FOXP2: variants seen among roughly 807,000 people sequenced by gnomAD.
The protein encoded by FOXP2 is forkhead box P2.
In FOXP2, 12 loss-of-function variants were observed where a neutral mutation model predicts 115.8. That is an observed-to-expected ratio of 0.10 (90% CI 0.07 to 0.17). The LOEUF is 0.17. FOXP2 is among the 10% of genes least tolerant of loss of function. FOXP2 has a pLI of 1.00. For missense variants in FOXP2, 629 were observed against 843.5 expected (o/e 0.75, Z 3.15); for synonymous variants, 328 against 297.7 (o/e 1.10, Z -1.05).
intron 3 of FOXP2, among the ~76,000 whole-genome samples, chr7:114,587,028 T>A (rs945479802): frequency 1.3e-5 from 2 of 149,710 alleles, no homozygotes; most frequent in African/African-American, 5.1e-5. Flanking sequence ...TAGGTATTCA[T>A]TATTTATTTA....
intron 1 of FOXP2, among the ~76,000 whole-genome samples, chr7:114,185,364 T>G (rs766667858): frequency 3.3e-5 from 5 of 152,136 alleles, no homozygotes; most frequent in Admixed American, 6.6e-5. Context: ...TGACCAGGTG[T>G]GTGGTAGTGG....
chr7:114,681,983 T>C (rs756920154), intron 16 of FOXP2, among the ~76,000 whole-genome samples: 8 of 152,208 alleles, frequency 5.3e-5, no homozygotes, highest in Non-Finnish European at 8.8e-5. Context: ...CAAAAAAGGT[T>C]ATAAGGTTAT....
intron 1 of FOXP2, among the ~76,000 whole-genome samples, chr7:114,196,582 A>C (rs535679450): frequency 6.6e-6 from 1 of 152,208 alleles, no homozygotes; most frequent in Non-Finnish European, 1.5e-5. Context: ...TGTTCTTAAT[A>C]GACTGTAATT....
chr7:114,514,417 C>G lies in FOXP2; in HGVS notation c.169-20200C>G, dbSNP rs1798227893. Among the ~76,000 whole-genome samples the G allele has an allele frequency of 2.0e-5, 3 of 152,000 alleles. No individual in the cohort carries two copies. In the South Asian group the frequency reaches 6.2e-4, roughly 31 times the overall value. On this transcript the variant is annotated intron_variant, in intron 2 of 16. Transcript: ENST00000350908. The stretch of plus-strand genomic sequence containing the variant: ...CCTTTGACCAACATCTCCCCAATCC[C>G]TTATCCCCCTAGCCTCTGGTAACCA...
intron 2 of FOXP2, among the ~76,000 whole-genome samples, chr7:114,474,121 C>G (rs557368193): frequency 6.6e-6 from 1 of 152,304 alleles, no homozygotes; most frequent in South Asian, 2.1e-4. Flanking sequence ...AGATTGCATA[C>G]TGGCATATGT....
chr7:114,399,883 G>T lies in FOXP2; in HGVS notation c.-10-26619G>T, dbSNP rs550000413. On this transcript the variant is annotated intron_variant, in intron 2 of 17. Transcript: ENST00000634411. ...TTTTTTTTTCCTTTTTTGAGACAGA[G>T]TCTCACTCTGTCACCCAGGCTGGAG... is the stretch of plus-strand genomic sequence containing the variant. 5.1e-4 allele frequency among the ~76,000 whole-genome samples: 74 copies of T among 144,338 alleles called. 2 individuals are homozygous for T. The highest frequency in any genetic ancestry group is 3.6e-3 in the Middle Eastern group (1 of 274). The allele number at this position is 144,338 out of a possible 152,430, so 94.7% of individuals were successfully genotyped here. A position where few individuals can be genotyped will look rare whatever the true frequency, so the allele number is the denominator to read the frequency against.
intron 1 of FOXP2, among the ~76,000 whole-genome samples, chr7:114,187,164 A>G (rs919451987): frequency 1.3e-5 from 2 of 152,170 alleles, no homozygotes; most frequent in African/African-American, 2.4e-5. Context: ...ATGCTTTTCC[A>G]TTCTTTACAT....
rs1791971354 is a variant in FOXP2 at position 114,370,238 on chromosome 7, G to A, written c.-10-56264G>A. 4.6e-5 allele frequency among the ~76,000 whole-genome samples: 7 copies of A among 152,104 alleles called. No individual in the cohort carries two copies. The South Asian group carries it at 1.4e-3, about 32-fold the overall frequency. Reference sequence around the variant, plus strand: ...ATGTGAATTTACTGACCCTTCAGATGTCTTCTCATTAGATGTACTTGCATG... The same window carrying A: ...ATGTGAATTTACTGACCCTTCAGATATCTTCTCATTAGATGTACTTGCATG... On this transcript the variant is annotated intron_variant, in intron 2 of 17. Transcript: ENST00000634411.
At chr7:114,682,337 A>G (rs1228982067) in intron 16 of FOXP2, among the ~76,000 whole-genome samples, 1 of 152,178 alleles carries the variant, frequency 6.6e-6, no homozygotes, top group Non-Finnish European at 1.5e-5. Flanking sequence ...AAGTTAATCA[A>G]AATACTAAAT....
At chr7:114,190,323 C>T (rs1175881698) in intron 1 of FOXP2, among the ~76,000 whole-genome samples, 1 of 152,096 alleles carries the variant, frequency 6.6e-6, no homozygotes, top group Non-Finnish European at 1.5e-5. Context: ...GGGTGGGCAC[C>T]ATCCGATTAA....
intron 1 of FOXP2, among the ~76,000 whole-genome samples, chr7:114,255,172 C>T (rs771581372): frequency 6.6e-4 from 95 of 144,258 alleles, no homozygotes; most frequent in Non-Finnish European, 1.2e-3. Flanking sequence ...CAGAGGGGTA[C>T]CTGGCCGTGT....
chr7:114,484,018 C>G (rs1210894892), intron 2 of FOXP2, among the ~76,000 whole-genome samples: 3 of 151,730 alleles, frequency 2.0e-5, no homozygotes, highest in Non-Finnish European at 4.4e-5. Context: ...AGATATAAAT[C>G]ACATTGGAAT....
At chr7:114,599,638 A>G (rs1260169531) in intron 3 of FOXP2, among the ~76,000 whole-genome samples, 2 of 152,106 alleles carry the variant, frequency 1.3e-5, no homozygotes, top group Non-Finnish European at 2.9e-5. Context: ...TTTAATGCCT[A>G]TACAATTGGT....
At position 114,441,465 on chromosome 7, in the gene FOXP2, T is replaced by G. The variant is rs970414348; in HGVS notation, c.168+14786T>G. 1.3e-5 allele frequency among the ~76,000 whole-genome samples: 2 copies of G among 151,924 alleles called. 1 individual carries two copies. The highest frequency in any genetic ancestry group is 4.1e-4 in the South Asian group (2 of 4,822). On this transcript the variant is annotated intron_variant, in intron 2 of 16. Coordinates refer to ENST00000350908, the MANE Select transcript of FOXP2 (RefSeq NM_014491.4). ...GAGACTCCATCTCAAAAAAAAAAAT[T>G]GGAGTGGAATGTCCACTCATTTCTT...
intron 2 of FOXP2, among the ~76,000 whole-genome samples, chr7:114,320,691 A>G (rs1364311034): frequency 2.6e-5 from 4 of 152,190 alleles, no homozygotes; most frequent in African/African-American, 9.7e-5. Flanking sequence ...TCATAGCTGC[A>G]TGTTGCATCT....
At chr7:114,097,169 G>A (rs57160495) in intron 1 of FOXP2, among the ~76,000 whole-genome samples, 4 of 151,932 alleles carry the variant, frequency 2.6e-5, no homozygotes, top group Non-Finnish European at 5.9e-5. Flanking sequence ...AATTCACCAC[G>A]TTTTAGTGTA....
intron 2 of FOXP2, among the ~76,000 whole-genome samples, chr7:114,472,674 A>G (rs1796102453): frequency 6.6e-6 from 1 of 152,160 alleles, no homozygotes; most frequent in South Asian, 2.1e-4. Flanking sequence ...TGGGAGTTTG[A>G]AATGGTATTA....
At chr7:114,351,849 ATG>A (rs1791497631) in intron 2 of FOXP2, among the ~76,000 whole-genome samples, 1 of 152,138 alleles carries the variant, frequency 6.6e-6, no homozygotes, top group African/African-American at 2.4e-5. Context: ...CTTTGAAAAA[ATG>A]ATTAAGTTAT....
intron 1 of FOXP2, among the ~76,000 whole-genome samples, chr7:114,131,439 T>C (rs988861581): frequency 1.3e-5 from 2 of 152,082 alleles, no homozygotes; most frequent in African/African-American, 4.8e-5. Flanking sequence ...TCAAAAACAA[T>C]ATCTAAGTGA....
Sources: gnomAD v4.1 joint callset for allele counts (sites outside exome capture counted in the v4.1 genomes callset) on GRCh38, gnomAD v4.1.1 for gene constraint, MANE v1.5 for transcripts, NCBI Gene and HGNC (gene_info 2026-07-23, HGNC 2026-07-21) for gene names.